Variants in TAFA2 observed in about 807,000 individuals in gnomAD.
TAFA2 encodes TAFA chemokine like family member 2, also known as chemokine-like protein TAFA-2.
Under a neutral mutation model 18.8 loss-of-function variants are expected in TAFA2, and 7 were observed. The observed-to-expected ratio is 0.37, with a 90% CI of 0.21 to 0.70. The LOEUF (loss-of-function observed/expected upper bound fraction) is 0.70. Among genes scored for constraint, TAFA2 ranks in the 30% least tolerant of loss-of-function variants. The pLI is 0.53. For missense variants in TAFA2, 122 were observed against 158.1 expected, an observed-to-expected ratio of 0.77 and a Z score of 1.23; for synonymous variants, 60 against 54.2, an observed-to-expected ratio of 1.11 and a Z score of -0.47.
intron 2 of TAFA2, among the ~76,000 whole-genome samples, chr12:61,866,898 AT>A (rs1259757925): frequency 5.9e-5 from 9 of 151,556 alleles, no homozygotes; most frequent in Admixed American, 5.9e-4. Flanking sequence ...ATTTTATTTT[AT>A]TTTTTTATTT....
chr12:62,233,668 G>A (rs905888032), intron 1 of TAFA2, among the ~76,000 whole-genome samples: 2 of 152,200 alleles, frequency 1.3e-5, no homozygotes, highest in East Asian at 3.9e-4. Flanking sequence ...CTGCTCCATG[G>A]AAGGGATCTG....
intron 2 of TAFA2, among the ~76,000 whole-genome samples, chr12:61,832,063 G>A (rs535535662): frequency 8.6e-5 from 13 of 151,898 alleles, no homozygotes; most frequent in South Asian, 4.2e-4. Context: ...CTTCCTTCAC[G>A]CTTGCTCTTC....
At chr12:61,912,558 A>C (rs1876653097) in intron 1 of TAFA2, among the ~76,000 whole-genome samples, 1 of 152,214 alleles carries the variant, frequency 6.6e-6, no homozygotes, top group Admixed American at 6.5e-5. Context: ...TAGAACCTCC[A>C]AAGTTTTAGT....
intron 1 of TAFA2, among the ~76,000 whole-genome samples, chr12:62,114,062 T>G (rs1295155688): frequency 6.6e-6 from 1 of 152,140 alleles, no homozygotes; most frequent in Non-Finnish European, 1.5e-5. Context: ...CTGCAGCAGC[T>G]CGGTGTCTGC....
chr12:62,223,703 A>T (rs778984495), intron 1 of TAFA2, among the ~76,000 whole-genome samples: 1 of 152,204 alleles, frequency 6.6e-6, no homozygotes, highest in African/African-American at 2.4e-5. Flanking sequence ...ACATTTCATG[A>T]TATTGGATTT....
rs575344122 is a variant in TAFA2 at position 61,931,925 on chromosome 12, T to A, written c.-1-64499A>T. Among the ~76,000 whole-genome samples the A allele has an allele frequency of 9.8e-5, 15 of 152,336 alleles. No individual in the cohort carries two copies. The South Asian group carries it at 2.9e-3, about 29-fold the overall frequency. The stretch of plus-strand genomic sequence containing the variant: ...CTGCCTACAAAAATGTATTTGAAGA[T>A]AATTCTACGTCATCAATGTTTTTAT... On this transcript the variant is annotated intron_variant, in intron 1 of 4. Coordinates refer to ENST00000416284, the MANE Select transcript of TAFA2 (RefSeq NM_178539.5).
chr12:62,207,857 A>G (rs1241139779), intron 1 of TAFA2, among the ~76,000 whole-genome samples: 1 of 152,240 alleles, frequency 6.6e-6, no homozygotes, highest in Non-Finnish European at 1.5e-5. Flanking sequence ...AAAGAGACAC[A>G]GCATCAGCTT....
intron 1 of TAFA2, among the ~76,000 whole-genome samples, chr12:61,946,513 A>G: frequency 2.2e-5 from 1 of 45,768 alleles, no homozygotes; most frequent in East Asian, 8.6e-4. Flanking sequence ...CATCAGAGTG[A>G]ACAGGCAACC....
At chr12:62,070,184 T>C (rs1299942978) in intron 1 of TAFA2, among the ~76,000 whole-genome samples, 4 of 152,204 alleles carry the variant, frequency 2.6e-5, no homozygotes, top group Non-Finnish European at 4.4e-5. Context: ...TGAGGTGCAA[T>C]AATAGCAATG....
intron 1 of TAFA2, among the ~76,000 whole-genome samples, chr12:62,081,163 C>G (rs1868317543): frequency 6.6e-6 from 1 of 152,100 alleles, no homozygotes; most frequent in African/African-American, 2.4e-5. Flanking sequence ...CCACTGCACT[C>G]CAGCCTGGGC....
At chr12:61,939,452 T>G (rs1877906724) in intron 1 of TAFA2, among the ~76,000 whole-genome samples, 1 of 152,202 alleles carries the variant, frequency 6.6e-6, no homozygotes, top group African/African-American at 2.4e-5. Context: ...TCCATTTTTC[T>G]CTATGTGGAA....
intron 1 of TAFA2, among the ~76,000 whole-genome samples, chr12:61,889,363 G>A (rs967958938): frequency 3.6e-4 from 55 of 152,094 alleles, no homozygotes; most frequent in Admixed American, 3.9e-4. Context: ...TCTGTTCTGC[G>A]TTGTTCCCTA....
intron 1 of TAFA2, among the ~76,000 whole-genome samples, chr12:62,045,998 G>A (rs1466675143): frequency 1.3e-5 from 2 of 152,074 alleles, no homozygotes; most frequent in African/African-American, 4.8e-5. Flanking sequence ...AATTCTGAGG[G>A]AAAATAAGAT....
intron 1 of TAFA2, among the ~76,000 whole-genome samples, chr12:62,112,765 A>T (rs138566798): frequency 3.3e-4 from 50 of 151,888 alleles, no homozygotes; most frequent in African/African-American, 1.0e-3. Flanking sequence ...CTTCCACTTG[A>T]TCAATTTGGC....
intron 1 of TAFA2, among the ~76,000 whole-genome samples, chr12:62,115,995 A>T (rs2136871977): frequency 6.6e-6 from 1 of 152,332 alleles, no homozygotes; most frequent in East Asian, 1.9e-4. Flanking sequence ...AGAAAAAGGA[A>T]TCATTAACTA....
chr12:61,763,359 A>G (rs1253768405), intron 2 of TAFA2, among the ~76,000 whole-genome samples: 1 of 152,050 alleles, frequency 6.6e-6, no homozygotes, highest in African/African-American at 2.4e-5. Context: ...ACAAAAGCAA[A>G]TTCTCAACCA....
intron 1 of TAFA2, among the ~76,000 whole-genome samples, chr12:62,230,212 C>T (rs1489320684): frequency 2.0e-5 from 3 of 146,772 alleles, no homozygotes; most frequent in Admixed American, 1.4e-4. Flanking sequence ...TATTTTATTT[C>T]TTCTCTGATC....
intron 2 of TAFA2, among the ~76,000 whole-genome samples, 170 bp from the exon 3 acceptor site, chr12:61,755,194 A>T (rs1869208186): frequency 6.6e-6 from 1 of 152,146 alleles, no homozygotes; most frequent in South Asian, 2.1e-4. Context: ...TTCTTTTCTA[A>T]ATGTGGTAGG....
At chr12:62,177,108 G>T (rs190801126) in intron 1 of TAFA2, among the ~76,000 whole-genome samples, 1 of 152,386 alleles carries the variant, frequency 6.6e-6, no homozygotes, top group East Asian at 1.9e-4. Flanking sequence ...AATGTTTACA[G>T]ATCTCCATAG....
Sources: allele counts gnomAD v4.1 joint callset (sites outside exome capture counted in the v4.1 genomes callset), GRCh38; gene constraint gnomAD v4.1.1; transcripts MANE v1.5; gene names NCBI Gene and HGNC (gene_info 2026-07-23, HGNC 2026-07-21).